The following STXBP5 variants were observed in gnomAD, a reference collection of about 807,000 sequenced individuals.
STXBP5 encodes the protein syntaxin-binding protein 5.
Under a neutral mutation model 152.4 loss-of-function variants are expected in STXBP5, and 50 were observed. The ratio of observed to expected loss-of-function variants is 0.33; its 90% CI spans 0.26 to 0.42. The LOEUF is 0.42. Ranked by LOEUF, STXBP5 falls within the 10% of genes least tolerant of loss-of-function variation. The pLI is 1.00. For missense variants in STXBP5, 1,167 were observed against 1,388.6 expected (o/e 0.84, Z 2.54); for synonymous variants, 492 against 494.7 (o/e 0.99, Z 0.07).
chr6:147,285,366 A>G (rs1780908728), intron 8 of STXBP5, among the ~76,000 whole-genome samples: 1 of 152,190 alleles, frequency 6.6e-6, no homozygotes, highest in Non-Finnish European at 1.5e-5. Context: ...TTTGATTTAG[A>G]AAATGCTTAG....
chr6:147,259,561 A>G (rs497704), intron 4 of STXBP5, among the ~76,000 whole-genome samples: 148,888 of 152,270 alleles, frequency 0.98, 72,819 homozygotes, highest in East Asian at 1. Context: ...AAGTGTTTTC[A>G]TCTTGAAAAT....
intron 24 of STXBP5, 88 bp from the exon 25 acceptor site, chr6:147,363,913 A>G: frequency 6.9e-7 from 1 of 1,448,916 alleles, no homozygotes; most frequent in South Asian, 1.3e-5. Flanking sequence ...CATAAGATTT[A>G]TGAGGTCTCT....
At chr6:147,356,606 A>T (rs1784825583) in intron 22 of STXBP5, among the ~76,000 whole-genome samples, 1 of 151,994 alleles carries the variant, frequency 6.6e-6, no homozygotes, top group African/African-American at 2.4e-5. Context: ...ATTTTTAGAA[A>T]CTACAGTTTA....
intron 4 of STXBP5, among the ~76,000 whole-genome samples, chr6:147,253,702 CAA>C (rs1199131227): frequency 6.6e-6 from 1 of 152,104 alleles, no homozygotes; most frequent in Non-Finnish European, 1.5e-5. Flanking sequence ...ACCATAGCTA[CAA>C]AGAGAATAAA....
chr6:147,375,079 T>G (rs1324873750), intron 26 of STXBP5, among the ~76,000 whole-genome samples: 2 of 152,130 alleles, frequency 1.3e-5, no homozygotes, highest in Admixed American at 6.5e-5. Context: ...GTCCTCAAAT[T>G]ATCTCTACAA....
chr6:147,370,963 G>A (rs1375481019), intron 25 of STXBP5, among the ~76,000 whole-genome samples: 6 of 151,990 alleles, frequency 3.9e-5, no homozygotes, highest in Non-Finnish European at 8.8e-5. Context: ...CCCATACATT[G>A]ACCCATTCAT....
At chr6:147,350,163 GACTA>G (rs953150705) in intron 21 of STXBP5, among the ~76,000 whole-genome samples, 18 of 152,168 alleles carry the variant, frequency 1.2e-4, no homozygotes, top group Admixed American at 3.9e-4. Flanking sequence ...GTTGAAACTA[GACTA>G]ACTGAGAATT....
At chr6:147,370,720 C>T (rs184476584) in intron 25 of STXBP5, among the ~76,000 whole-genome samples, 66 of 152,054 alleles carry the variant, frequency 4.3e-4, no homozygotes, top group African/African-American at 1.5e-3. Context: ...AATTTATAAA[C>T]AAAACCCCAA....
intron 11 of STXBP5, among the ~76,000 whole-genome samples, chr6:147,312,318 A>G (rs1447737748): frequency 2.0e-5 from 3 of 152,192 alleles, no homozygotes; most frequent in African/African-American, 7.2e-5. Flanking sequence ...TGGATCATAG[A>G]TGATAATGTT....
chr6:147,324,337 A>C (rs978984990), intron 16 of STXBP5, among the ~76,000 whole-genome samples: 2 of 129,994 alleles, frequency 1.5e-5, no homozygotes, highest in Non-Finnish European at 3.1e-5. Context: ...CAATGGCGCG[A>C]TCTCGGCTCA....
intron 6 of STXBP5, 135 bp from the exon 7 acceptor site, chr6:147,266,949 C>A: frequency 1.4e-6 from 1 of 707,416 alleles, no homozygotes; most frequent in Non-Finnish European, 2.4e-6. Flanking sequence ...TACTAATTAG[C>A]AATGCAGATG....
chr6:147,281,455 C>A (rs1780697161), intron 8 of STXBP5, among the ~76,000 whole-genome samples: 1 of 152,180 alleles, frequency 6.6e-6, no homozygotes, highest in African/African-American at 2.4e-5. Flanking sequence ...TGTGGTACAT[C>A]ATTTTCATTA....
At chr6:147,217,890 T>A (rs1777257436) in intron 2 of STXBP5, among the ~76,000 whole-genome samples, 2 of 152,226 alleles carry the variant, frequency 1.3e-5, no homozygotes, top group Admixed American at 1.3e-4. Flanking sequence ...ATTCTTAGCA[T>A]CTTGTTAAAT....
chr6:147,291,421 G>A (rs914431170), intron 9 of STXBP5, among the ~76,000 whole-genome samples: 1 of 151,730 alleles, frequency 6.6e-6, no homozygotes, highest in African/African-American at 2.4e-5. Context: ...GTTAAACTTC[G>A]TGCCTTCTCT....
chr6:147,217,147 C>G (rs1777211313), intron 2 of STXBP5, among the ~76,000 whole-genome samples: 1 of 152,116 alleles, frequency 6.6e-6, no homozygotes, highest in African/African-American at 2.4e-5. Context: ...CTGGCCGCAT[C>G]AGCTATTGCA....
At chr6:147,238,763 T>C (rs1035030169) in intron 3 of STXBP5, among the ~76,000 whole-genome samples, 2 of 152,174 alleles carry the variant, frequency 1.3e-5, no homozygotes, top group African/African-American at 4.8e-5. Context: ...TCCATAAGAA[T>C]TTGTCTTAAG....
chr6:147,354,608 G>A (rs979290888), intron 22 of STXBP5, among the ~76,000 whole-genome samples: 10 of 152,152 alleles, frequency 6.6e-5, no homozygotes, highest in African/African-American at 2.2e-4. Flanking sequence ...TAGTTAAAGT[G>A]GCTTTGTGTA....
chr6:147,272,099 G>A (rs1310625560), intron 7 of STXBP5, among the ~76,000 whole-genome samples: 1 of 152,134 alleles, frequency 6.6e-6, no homozygotes, highest in African/African-American at 2.4e-5. Flanking sequence ...AAGTAGCTCT[G>A]TAATTTAAGA....
intron 25 of STXBP5, among the ~76,000 whole-genome samples, chr6:147,373,104 C>T (rs1258171272): frequency 2.0e-5 from 3 of 152,120 alleles, no homozygotes; most frequent in African/African-American, 7.2e-5. Flanking sequence ...GGCATGGTGG[C>T]TCATGCCTGT....
Sources: allele counts gnomAD v4.1 joint callset (sites outside exome capture counted in the v4.1 genomes callset), GRCh38; gene constraint gnomAD v4.1.1; transcripts MANE v1.5; gene names NCBI Gene and HGNC (gene_info 2026-07-23, HGNC 2026-07-21).